Variants in DOCK11 observed in about 807,000 individuals in gnomAD.
DOCK11 encodes the protein dedicator of cytokinesis 11, also known as dedicator of cytokinesis protein 11.
In DOCK11, 70 loss-of-function variants were observed where a neutral mutation model predicts 169.1. That is an observed-to-expected ratio of 0.41 (90% CI 0.34 to 0.51). The LOEUF is 0.51. DOCK11 is among the 20% of genes least tolerant of loss of function. DOCK11 has a pLI of 0.10. For missense variants in DOCK11, 1,166 were observed against 1,538.8 expected, an observed-to-expected ratio of 0.76 and a Z score of 4.05; for synonymous variants, 529 against 541.3, an observed-to-expected ratio of 0.98 and a Z score of 0.32.
chrX:118,562,594 C>G (rs1316103617), intron 7 of DOCK11, among the ~76,000 whole-genome samples: 1 of 112,205 alleles, frequency 8.9e-6, no homozygotes, highest in Non-Finnish European at 1.9e-5. Context: ...ACTGTGCTTT[C>G]TAGCCTCATC....
intron 40 of DOCK11, among the ~76,000 whole-genome samples, chrX:118,647,510 A>T (rs1183726894): frequency 4.4e-5 from 3 of 67,621 alleles, no homozygotes; most frequent in Non-Finnish European, 7.5e-5. Flanking sequence ...TATATTATAT[A>T]ATAATATAAT....
intron 46 of DOCK11, among the ~76,000 whole-genome samples, chrX:118,672,742 G>A (rs1044941289): frequency 3.5e-5 from 4 of 113,112 alleles, no homozygotes; most frequent in African/African-American, 1.3e-4. Flanking sequence ...GCCTGGCCAT[G>A]TATTCTTAAA....
At chrX:118,551,863 C>T (rs375308067) in intron 6 of DOCK11, among the ~76,000 whole-genome samples, 62 of 110,688 alleles carry the variant, frequency 5.6e-4, no homozygotes, top group African/African-American at 1.9e-3. Context: ...GACGAAACCT[C>T]GCCTCTACAA....
At position 118,630,599 on chromosome X, in the gene DOCK11, A is replaced by G. The variant is rs964754534; in HGVS notation, c.3886+109A>G. 1.2e-5 allele frequency: 5 copies of G among 406,369 alleles called. No individual in the cohort carries two copies. The Admixed American group carries it at 1.9e-4, about 16-fold the overall frequency. The allele number at this position is 406,369 out of a possible 1,213,427, so 33.5% of individuals were successfully genotyped here. A position where few individuals can be genotyped will look rare whatever the true frequency, so the allele number is the denominator to read the frequency against. ...TCATCTGGAGGCAGAGCACATGCAC[A>G]TTATAAACAGTTATTTGGAGACTCT... On this transcript the variant is annotated intron_variant, in intron 35 of 52. Coordinates refer to ENST00000276202, the MANE Select transcript of DOCK11 (RefSeq NM_144658.4).
intron 1 of DOCK11, among the ~76,000 whole-genome samples, chrX:118,504,181 C>A (rs758853837): frequency 1.8e-5 from 2 of 108,649 alleles, no homozygotes; most frequent in African/African-American, 6.7e-5. Context: ...AGATCCTTAA[C>A]GTTTTTCAAG....
At chrX:118,544,170 G>C (rs1389235505) in intron 4 of DOCK11, among the ~76,000 whole-genome samples, 1 of 112,004 alleles carries the variant, frequency 8.9e-6, no homozygotes, top group Non-Finnish European at 1.9e-5. Flanking sequence ...ATAATGTAGT[G>C]AGCATTTTCC....
intron 20 of DOCK11, among the ~76,000 whole-genome samples, chrX:118,594,603 G>A (rs1334456701): frequency 9.0e-6 from 1 of 111,638 alleles, no homozygotes; most frequent in African/African-American, 3.3e-5. Context: ...AGGCACTTTG[G>A]AGAATACAGT....
At chrX:118,519,513 T>C (rs1360183702) in intron 1 of DOCK11, among the ~76,000 whole-genome samples, 1 of 112,160 alleles carries the variant, frequency 8.9e-6, no homozygotes, top group Non-Finnish European at 1.9e-5. Context: ...CACTCCAGCC[T>C]GTGCAACAGA....
chrX:118,641,165 G>C (rs768747116), intron 38 of DOCK11, 25 bp from the exon 39 acceptor site: 1 of 1,113,468 alleles, frequency 9.0e-7, no homozygotes, highest in East Asian at 3.0e-5. Context: ...GTTGGGAAAA[G>C]TTTAATTTAC....
At position 118,572,310 on chromosome X, in the gene DOCK11, A is replaced by G. The variant is rs779426100; in HGVS notation, c.1036-13A>G. The G allele has an allele frequency of 4.4e-6, 5 of 1,132,015 alleles. No individual in the cohort carries two copies. In the African/African-American group the frequency reaches 9.0e-5, roughly 20 times the overall value. 93.3% of individuals were successfully genotyped at this position (1,132,015 alleles called of 1,213,427 possible). On this transcript the variant is annotated splice_polypyrimidine_tract_variant and intron_variant, in intron 10 of 52. Transcript: ENST00000276202. The stretch of plus-strand genomic sequence containing the variant: ...TCTTTTTTTGAAAATGATTCATACT[A>G]TCTCTTTTATAGAGGTTGGACTTTT...
chrX:118,599,257 G>A (rs748461347), intron 23 of DOCK11, 29 bp downstream of exon 23: 15 of 1,088,205 alleles, frequency 1.4e-5, no homozygotes, highest in South Asian at 7.9e-5. Flanking sequence ...TCTGCAAAAC[G>A]TTTGTTTTTC....
At chrX:118,610,729 A>G (rs762927708) in intron 28 of DOCK11, among the ~76,000 whole-genome samples, 9 of 111,908 alleles carry the variant, frequency 8.0e-5, no homozygotes, top group African/African-American at 2.6e-4. Flanking sequence ...CTTGTGTTCT[A>G]TATGGCGATT....
chrX:118,522,958 G>A (rs2011296121), intron 1 of DOCK11, among the ~76,000 whole-genome samples: 1 of 112,270 alleles, frequency 8.9e-6, no homozygotes, highest in African/African-American at 3.2e-5. Flanking sequence ...GCTCACTTGG[G>A]CAAGTTTCTG....
intron 52 of DOCK11, among the ~76,000 whole-genome samples, chrX:118,684,311 G>T (rs1364294616): frequency 1.2e-5 from 1 of 84,252 alleles, no homozygotes; most frequent in Non-Finnish European, 2.2e-5. Flanking sequence ...TCACTCTGTC[G>T]CCCAGGCTGG....
intron 1 of DOCK11, among the ~76,000 whole-genome samples, chrX:118,525,411 A>G (rs1408620773): frequency 1.8e-5 from 2 of 111,975 alleles, no homozygotes; most frequent in African/African-American, 3.2e-5. Flanking sequence ...ACTAAGTGAA[A>G]GAAGCCAGTC....
chrX:118,659,646 A>G (rs1280339370), intron 44 of DOCK11, among the ~76,000 whole-genome samples: 1 of 112,263 alleles, frequency 8.9e-6, no homozygotes, highest in Non-Finnish European at 1.9e-5. Context: ...AGATGCATTA[A>G]GATAACACAC....
Position 118,613,622 on chromosome X carries a change from G to A in DOCK11, c.3097-1070G>A, listed in dbSNP as rs1380983791. Among the ~76,000 whole-genome samples, 8 of 112,654 alleles carry A rather than the reference G, an allele frequency of 7.1e-5. No homozygotes were observed. The South Asian group carries it at 2.9e-3, about 41-fold the overall frequency. ...ATAGAAGTAGCGAAAGAATTGCTAG[G>A]TGTGGCATAAGCCAAAGACTTAGAG... On this transcript the variant is annotated intron_variant, in intron 28 of 52. Transcript: ENST00000276202.
In DOCK11 at chrX:118,562,401, G is replaced by A. The variant is rs140304767; in HGVS notation, c.693+884G>A. Among the ~76,000 whole-genome samples, 113 of 110,515 alleles carry A rather than the reference G, an allele frequency of 1.0e-3. 1 individual carries two copies. Among genetic ancestry groups the A allele is most frequent in the African/African-American group, 3.5e-3 (108 of 30,424 alleles). ...TTCTCCAGTTCTCCCTTTTATCATC[G>A]CTGGCCCAAAGTTGCGCTTTTATGC... On this transcript the variant is annotated intron_variant, in intron 7 of 52. Coordinates refer to ENST00000276202, the MANE Select transcript of DOCK11 (RefSeq NM_144658.4).
At chrX:118,669,357 T>C (rs2016413154) in intron 45 of DOCK11, among the ~76,000 whole-genome samples, 1 of 111,911 alleles carries the variant, frequency 8.9e-6, no homozygotes, top group African/African-American at 3.3e-5. Context: ...TTTGGGCTTC[T>C]ATAACAAAAT....
Sources: allele counts gnomAD v4.1 joint callset (sites outside exome capture counted in the v4.1 genomes callset), GRCh38; gene constraint gnomAD v4.1.1; transcripts MANE v1.5; gene names NCBI Gene and HGNC (gene_info 2026-07-23, HGNC 2026-07-21).